CCDC91: variants seen among roughly 807,000 people sequenced by gnomAD.
CCDC91 encodes the protein coiled-coil domain-containing protein 91.
CCDC91 carries 48 observed loss-of-function variants against 63.2 expected under a neutral mutation model. The observed-to-expected ratio is 0.76, with a 90% CI of 0.60 to 0.97. The LOEUF (loss-of-function observed/expected upper bound fraction) is 0.97. Among genes scored for constraint, CCDC91 ranks in the 50% least tolerant of loss-of-function variants. The probability of loss-of-function intolerance (pLI) is 0.00; values close to 1 mark genes in which losing one functional copy is unlikely to be tolerated. For missense variants in CCDC91, 500 were observed against 494.6 expected, an observed-to-expected ratio of 1.01 and a Z score of -0.10; for synonymous variants, 167 against 165.8, an observed-to-expected ratio of 1.01 and a Z score of -0.06.
chr12:28,444,282 G>T (rs1017687344), intron 8 of CCDC91, among the ~76,000 whole-genome samples: 1 of 152,048 alleles, frequency 6.6e-6, no homozygotes, highest in Admixed American at 6.6e-5. Context: ...TGTCTTAGGG[G>T]CATAGTTACG....
At chr12:28,264,156 TAAC>T (rs991550753) in intron 3 of CCDC91, among the ~76,000 whole-genome samples, 2 of 151,794 alleles carry the variant, frequency 1.3e-5, no homozygotes, top group African/African-American at 4.8e-5. Context: ...TGCCAGTAGG[TAAC>T]AATAGAGACT....
chr12:28,539,027 G>A (rs899785675), intron 12 of CCDC91, among the ~76,000 whole-genome samples: 1 of 151,960 alleles, frequency 6.6e-6, no homozygotes, highest in African/African-American at 2.4e-5. Flanking sequence ...AGATGAGTAG[G>A]TTGCAAAAAT....
chr12:28,468,859 T>C (rs1379157131), intron 11 of CCDC91, among the ~76,000 whole-genome samples: 2 of 152,042 alleles, frequency 1.3e-5, no homozygotes, highest in African/African-American at 4.8e-5. Flanking sequence ...TCAATCGATG[T>C]TGAAAAAGCA....
chr12:28,344,369 A>C (rs1178831187), intron 6 of CCDC91, among the ~76,000 whole-genome samples: 1 of 152,124 alleles, frequency 6.6e-6, no homozygotes, highest in Admixed American at 6.5e-5. Flanking sequence ...ATGTATTAGA[A>C]AAAACATTAT....
chr12:28,234,101 T>A (rs572696213), intron 1 of CCDC91, among the ~76,000 whole-genome samples: 9 of 152,148 alleles, frequency 5.9e-5, no homozygotes, highest in Non-Finnish European at 1.0e-4. Context: ...GATTATAATA[T>A]TAGCTCCTTT....
At chr12:28,427,563 C>A (rs1948393031) in intron 8 of CCDC91, among the ~76,000 whole-genome samples, 1 of 152,058 alleles carries the variant, frequency 6.6e-6, no homozygotes, top group African/African-American at 2.4e-5. Context: ...CACTCAGCTT[C>A]CAACAATTCC....
chr12:28,244,803 C>T (rs1310904841), intron 1 of CCDC91, among the ~76,000 whole-genome samples: 2 of 150,302 alleles, frequency 1.3e-5, no homozygotes, highest in Non-Finnish European at 3.0e-5. Context: ...AAGACAGAAG[C>T]ACATTGCAGT....
chr12:28,405,561 A>C (rs1946884975), intron 8 of CCDC91, among the ~76,000 whole-genome samples: 1 of 152,152 alleles, frequency 6.6e-6, no homozygotes, highest in Non-Finnish European at 1.5e-5. Flanking sequence ...GCCAGATCAA[A>C]AATGTTTCTT....
intron 10 of CCDC91, 61 bp downstream of exon 10, chr12:28,450,479 T>C (rs1174782236): frequency 1.8e-6 from 2 of 1,103,896 alleles, no homozygotes; most frequent in Non-Finnish European, 2.7e-6. Context: ...ATGGAATATA[T>C]TAATAGTATT....
chr12:28,308,899 G>C (rs1939025925), intron 6 of CCDC91, among the ~76,000 whole-genome samples: 1 of 151,932 alleles, frequency 6.6e-6, no homozygotes, highest in African/African-American at 2.4e-5. Flanking sequence ...AATTCAGCAG[G>C]TAAGAGTAGT....
chr12:28,457,652 G>T (rs1198659004), intron 11 of CCDC91, among the ~76,000 whole-genome samples: 2 of 151,736 alleles, frequency 1.3e-5, no homozygotes, highest in Non-Finnish European at 2.9e-5. Context: ...CCTAAGGATT[G>T]TGGTAGATAA....
At chr12:28,434,453 G>C (rs1948790309) in intron 8 of CCDC91, among the ~76,000 whole-genome samples, 1 of 151,396 alleles carries the variant, frequency 6.6e-6, no homozygotes, top group Non-Finnish European at 1.5e-5. Flanking sequence ...GCATACCTAG[G>C]AGAAAAACCC....
intron 6 of CCDC91, among the ~76,000 whole-genome samples, chr12:28,308,013 C>T (rs1235379515): frequency 1.3e-5 from 2 of 151,978 alleles, no homozygotes; most frequent in African/African-American, 4.8e-5. Context: ...ATTTTGGGAA[C>T]TGTTTATTCT....
chr12:28,413,177 A>G (rs539890965), intron 8 of CCDC91, among the ~76,000 whole-genome samples: 1 of 152,308 alleles, frequency 6.6e-6, no homozygotes, highest in East Asian at 1.9e-4. Context: ...AGAACTACTC[A>G]TTCCCTGGGC....
intron 8 of CCDC91, among the ~76,000 whole-genome samples, chr12:28,400,722 A>C (rs1366238592): frequency 6.6e-6 from 1 of 152,120 alleles, no homozygotes; most frequent in Non-Finnish European, 1.5e-5. Flanking sequence ...AATTTCTTCC[A>C]CTAGATATGC....
chr12:28,397,810 G>C (rs1366372443), intron 8 of CCDC91, among the ~76,000 whole-genome samples: 1 of 151,984 alleles, frequency 6.6e-6, no homozygotes, highest in African/African-American at 2.4e-5. Flanking sequence ...ACATAAGATA[G>C]AGACACTATC....
At chr12:28,473,539 A>T (rs1950926976) in intron 11 of CCDC91, among the ~76,000 whole-genome samples, 1 of 152,140 alleles carries the variant, frequency 6.6e-6, no homozygotes, top group South Asian at 2.1e-4. Flanking sequence ...AACACATCTT[A>T]GCAGATTCCA....
intron 1 of CCDC91, among the ~76,000 whole-genome samples, chr12:28,225,593 T>A (rs1944218494): frequency 6.6e-6 from 1 of 151,978 alleles, no homozygotes. Context: ...GTGGCTTGGA[T>A]TACAGGCACC....
At chr12:28,389,805 T>A (rs1945825053) in intron 7 of CCDC91, among the ~76,000 whole-genome samples, 1 of 152,136 alleles carries the variant, frequency 6.6e-6, no homozygotes, top group African/African-American at 2.4e-5. Context: ...GATGCTGTGA[T>A]TATTCTAAGG....
Sources: allele counts gnomAD v4.1 joint callset (sites outside exome capture counted in the v4.1 genomes callset), GRCh38; gene constraint gnomAD v4.1.1; transcripts MANE v1.5; gene names NCBI Gene and HGNC (gene_info 2026-07-23, HGNC 2026-07-21).